The following DOCK3 variants were observed in gnomAD, a reference collection of about 807,000 sequenced individuals.
DOCK3 encodes dedicator of cytokinesis protein 3.
In DOCK3, 60 loss-of-function variants were observed where a neutral mutation model predicts 265.6. The ratio of observed to expected loss-of-function variants is 0.23; its 90% CI spans 0.18 to 0.28. DOCK3 has a LOEUF of 0.28. DOCK3 is among the 10% of genes least tolerant of loss of function. DOCK3 has a pLI of 1.00. For synonymous variants in DOCK3, 881 were observed against 938.0 expected, an observed-to-expected ratio of 0.94 and a Z score of 1.11; for missense variants, 1,981 against 2,594.3, an observed-to-expected ratio of 0.76 and a Z score of 5.14.
chr3:51,360,259 G>A (rs994491459), intron 46 of DOCK3, among the ~76,000 whole-genome samples: 2 of 152,200 alleles, frequency 1.3e-5, no homozygotes, highest in Non-Finnish European at 2.9e-5. Flanking sequence ...TATTCCAGAT[G>A]TGCTTCTCTT....
intron 1 of DOCK3, among the ~76,000 whole-genome samples, chr3:50,760,702 G>T (rs1326228125): frequency 2.6e-5 from 4 of 152,024 alleles, no homozygotes; most frequent in African/African-American, 9.7e-5. Context: ...CACGTTGTTA[G>T]TCGAGGAGCA....
At chr3:51,202,941 G>A (rs565024018) in intron 12 of DOCK3, among the ~76,000 whole-genome samples, 95 of 152,266 alleles carry the variant, frequency 6.2e-4, no homozygotes, top group African/African-American at 2.3e-3. Flanking sequence ...AATAGATGCA[G>A]AAAAGTCCTT....
intron 12 of DOCK3, among the ~76,000 whole-genome samples, chr3:51,202,248 C>A: frequency 6.8e-6 from 1 of 147,474 alleles, no homozygotes; most frequent in Non-Finnish European, 1.5e-5. Context: ...TTGAAAGAAT[C>A]AACAAAATTG....
At chr3:51,141,620 C>G (rs1459125293) in intron 9 of DOCK3, among the ~76,000 whole-genome samples, 1 of 152,020 alleles carries the variant, frequency 6.6e-6, no homozygotes, top group African/African-American at 2.4e-5. Flanking sequence ...TGTAAAAAAT[C>G]AGTTGACAGC....
At chr3:50,973,336 T>C (rs941233694) in intron 5 of DOCK3, among the ~76,000 whole-genome samples, 1 of 140,784 alleles carries the variant, frequency 7.1e-6, no homozygotes, top group African/African-American at 2.7e-5. Context: ...CCCCTTCCTG[T>C]GTCCATGTGA....
intron 27 of DOCK3, among the ~76,000 whole-genome samples, chr3:51,294,395 G>A (rs2081958073): frequency 6.7e-6 from 1 of 149,784 alleles, no homozygotes; most frequent in Non-Finnish European, 1.5e-5. Flanking sequence ...AATTGAACTC[G>A]AGGCTGGGCG....
chr3:50,853,125 A>G (rs1336843157), intron 3 of DOCK3, among the ~76,000 whole-genome samples: 1 of 152,148 alleles, frequency 6.6e-6, no homozygotes. Flanking sequence ...ACATACTAGA[A>G]CTTATTCCTT....
intron 3 of DOCK3, among the ~76,000 whole-genome samples, chr3:50,862,843 G>A (rs1400620936): frequency 2.6e-5 from 4 of 152,020 alleles, no homozygotes; most frequent in Non-Finnish European, 4.4e-5. Context: ...CAAGTGGCAC[G>A]GACTCACATT....
chr3:50,732,745 A>C (rs2038304025), intron 1 of DOCK3, among the ~76,000 whole-genome samples: 1 of 152,156 alleles, frequency 6.6e-6, no homozygotes, highest in South Asian at 2.1e-4. Context: ...ATGTTCCTCT[A>C]ATGAACATTT....
rs551319338 is a variant in DOCK3, at chr3:50,725,062, A to G, written c.37+49762A>G. The stretch of plus-strand genomic sequence containing the variant: ...TGAAAGATACCACCTCACAGATCCA[A>G]CATGTTCAAGGAAACTCAACTGCAT... On this transcript the variant is annotated intron_variant, in intron 1 of 52. Transcript: ENST00000266037. 2.0e-5 allele frequency among the ~76,000 whole-genome samples: 3 copies of G among 152,276 alleles called. No homozygotes were observed. In the South Asian group the frequency reaches 6.2e-4, roughly 32 times the overall value.
intron 5 of DOCK3, among the ~76,000 whole-genome samples, chr3:50,955,394 T>C (rs1423895007): frequency 3.9e-5 from 6 of 152,284 alleles, no homozygotes; most frequent in Admixed American, 6.5e-5. Context: ...CAAATGTTCA[T>C]TGCAGTGCCA....
At chr3:50,950,975 T>TCC (rs1013822090) in intron 5 of DOCK3, among the ~76,000 whole-genome samples, 4 of 152,120 alleles carry the variant, frequency 2.6e-5, no homozygotes, top group Non-Finnish European at 4.4e-5. Flanking sequence ...TCTCTCTCTC[T>TCC]CCTGTGATAT....
intron 9 of DOCK3, among the ~76,000 whole-genome samples, chr3:51,099,683 G>A (rs1382838968): frequency 6.6e-6 from 1 of 152,196 alleles, no homozygotes; most frequent in African/African-American, 2.4e-5. Context: ...TGCTGTTATA[G>A]GCTCTAGTAA....
chr3:51,103,452 T>G (rs912427054), intron 9 of DOCK3, among the ~76,000 whole-genome samples: 1 of 152,216 alleles, frequency 6.6e-6, no homozygotes, highest in Admixed American at 6.5e-5. Context: ...TCATTTTACC[T>G]TTCTTGATTA....
intron 3 of DOCK3, among the ~76,000 whole-genome samples, chr3:50,856,446 C>CT (rs889127381): frequency 7.5e-5 from 11 of 146,276 alleles, no homozygotes; most frequent in East Asian, 2.0e-4. Flanking sequence ...TGATGTTGGG[C>CT]TTTTTTTTTT....
Position 50,749,269 on chromosome 3 carries a change from T to G in DOCK3, c.38-29406T>G, listed in dbSNP as rs960175525. 3.3e-5 allele frequency among the ~76,000 whole-genome samples: 5 copies of G among 152,236 alleles called. No individual in the cohort carries two copies. In the South Asian group the frequency reaches 8.3e-4, roughly 25 times the overall value. ...ACAAATTTAGCATTTAATATTTACA[T>G]AGCTGTAGGTGAAACGTGCTTTTTA... On this transcript the variant is annotated intron_variant, in intron 1 of 52. Coordinates refer to ENST00000266037, the MANE Select transcript of DOCK3 (RefSeq NM_004947.5).
At chr3:50,898,869 C>T (rs1176010714) in intron 4 of DOCK3, among the ~76,000 whole-genome samples, 2 of 152,110 alleles carry the variant, frequency 1.3e-5, no homozygotes, top group African/African-American at 2.4e-5. Context: ...CGTTCTTTTG[C>T]ATTTGCTGAG....
intron 4 of DOCK3, among the ~76,000 whole-genome samples, chr3:50,906,703 A>G (rs1016571364): frequency 1.3e-5 from 2 of 152,010 alleles, no homozygotes; most frequent in Admixed American, 1.3e-4. Context: ...TGAAAAAACC[A>G]GCTCCTGGCT....
intron 1 of DOCK3, among the ~76,000 whole-genome samples, chr3:50,741,279 ATT>A (rs60710906): frequency 0.91 from 136,725 of 151,018 alleles, 62,041 homozygotes; most frequent in African/African-American, 0.95. Flanking sequence ...TTTTTATTTT[ATT>A]TTATTATTAT....
Sources: gnomAD v4.1 joint callset for allele counts (sites outside exome capture counted in the v4.1 genomes callset) on GRCh38, gnomAD v4.1.1 for gene constraint, MANE v1.5 for transcripts, NCBI Gene and HGNC (gene_info 2026-07-23, HGNC 2026-07-21) for gene names.